DNAH7: variants seen among roughly 807,000 people sequenced by gnomAD.
The protein encoded by DNAH7 is axonemal beta dynein heavy chain 7.
A neutral mutation model predicts 444.6 loss-of-function variants in DNAH7; 397 were observed. That is an observed-to-expected ratio of 0.89 (90% confidence interval 0.82 to 0.97). The LOEUF is 0.97. Ranked by LOEUF, DNAH7 falls within the 50% of genes least tolerant of loss-of-function variation. DNAH7 has a pLI of 0.00. For missense variants in DNAH7, 4,902 were observed against 4,800.8 expected (o/e 1.02, Z -0.62); for synonymous variants, 1,636 against 1,624.4 (o/e 1.01, Z -0.17).
At chr2:195,768,373 T>C (rs2105933907) in intron 61 of DNAH7, among the ~76,000 whole-genome samples, 1 of 151,860 alleles carries the variant, frequency 6.6e-6, no homozygotes, top group East Asian at 1.9e-4. Context: ...CATTTATCAG[T>C]ATGTCTTGGC....
At chr2:195,855,648 G>A (rs1278572121) in intron 45 of DNAH7, among the ~76,000 whole-genome samples, 163 bp downstream of exon 45, 1 of 152,040 alleles carries the variant, frequency 6.6e-6, no homozygotes, top group East Asian at 1.9e-4. Context: ...TTAGCTCTTG[G>A]GCCACACGAA....
At chr2:195,961,203 CTAAT>C (rs1471166655) in intron 17 of DNAH7, among the ~76,000 whole-genome samples, 4 of 151,976 alleles carry the variant, frequency 2.6e-5, no homozygotes, top group African/African-American at 9.7e-5. Context: ...GTAAATAAAA[CTAAT>C]TAACATACAT....
chr2:196,011,574 T>TTGG, intron 10 of DNAH7, among the ~76,000 whole-genome samples: 1 of 151,940 alleles, frequency 6.6e-6, no homozygotes, highest in East Asian at 1.9e-4. Context: ...GAAAAGGCAT[T>TTGG]TGGGTTTGAG....
intron 54 of DNAH7, among the ~76,000 whole-genome samples, chr2:195,803,703 T>C (rs1696579825): frequency 6.6e-6 from 1 of 152,252 alleles, no homozygotes; most frequent in South Asian, 2.1e-4. Flanking sequence ...AAGTTCCTAC[T>C]GGATTTATCT....
At chr2:195,758,477 G>T (rs996502138) in intron 61 of DNAH7, among the ~76,000 whole-genome samples, 5 of 152,104 alleles carry the variant, frequency 3.3e-5, no homozygotes, top group African/African-American at 1.2e-4. Context: ...TTTGAGAAGG[G>T]AGGCAGAGCA....
chr2:195,954,192 G>A lies in DNAH7; in HGVS notation c.3078+3069C>T, dbSNP rs560413402. Among the ~76,000 whole-genome samples the A allele has an allele frequency of 1.1e-4, 17 of 151,946 alleles. No homozygotes were observed. In the South Asian group the frequency reaches 1.7e-3, roughly 15 times the overall value. The stretch of plus-strand genomic sequence containing the variant: ...TCCCTCCCCACTCTCCCCACCCCAC[G>A]ACAGGCCCTGGTATGTGATGTTCCC... On this transcript the variant is annotated intron_variant, in intron 19 of 64. Transcript: ENST00000312428.
At position 195,794,341 on chromosome 2, in the gene DNAH7, C is replaced by G; in HGVS notation, c.10713G>C (p.Lys3571Asn). 3.1e-6 allele frequency: 5 copies of G among 1,614,068 alleles called. No individual in the cohort carries two copies. The highest frequency in any genetic ancestry group is 4.2e-6 in the Non-Finnish European group (5 of 1,179,998). ...ACAAGACTTAACCATTACTAACAGGCTTTTTGCAGCTGCCAAAGAACTCCG... is the reference window on the plus strand; with the variant it reads ...ACAAGACTTAACCATTACTAACAGGGTTTTTGCAGCTGCCAAAGAACTCCG... ...SDPEFFGSCK[K>N]PEEFKKLLYG... is the part of the protein sequence containing the mutation. The change falls in exon 57 of 65, where the codon AAG (lysine) becomes AAC (asparagine). Residue 3571 changes from lysine to asparagine, a missense_variant. Physicochemically the swap from Lys to Asn is moderately conservative, Grantham distance 94. Transcript: ENST00000312428.
chr2:196,040,642 G>A (rs1046827286), intron 5 of DNAH7, among the ~76,000 whole-genome samples: 1 of 152,068 alleles, frequency 6.6e-6, no homozygotes, highest in Non-Finnish European at 1.5e-5. Flanking sequence ...AATTAAAATA[G>A]TTTTCTGTAA....
At chr2:195,897,569 T>G (rs1702392968) in intron 29 of DNAH7, 98 bp downstream of exon 29, 1 of 649,888 alleles carries the variant, frequency 1.5e-6, no homozygotes, top group African/African-American at 1.8e-5. Context: ...CTCTGTACTG[T>G]GTCATTGTTT....
Position 195,984,676 on chromosome 2 carries a change from C to A in DNAH7, c.1789G>T (p.Ala597Ser). 1 of 1,613,928 alleles carries A rather than the reference C, an allele frequency of 6.2e-7. No individual in the cohort carries two copies. Among genetic ancestry groups the A allele is most frequent in the Middle Eastern group, 1.7e-4 (1 of 6,034 alleles). ...CDEFERIAEK[A>S]LSTPPNTAEL... ...GCTGTATTTGGAGGAGTGCTAAGAG[C>A]TTTTTCAGCTATCCTCTCAAATTCA... is the stretch of plus-strand genomic sequence containing the variant. The change falls in exon 15 of 65, where the codon GCT becomes TCT. Residue 597 changes from alanine (A) to serine (S), a missense_variant. Transcript: ENST00000312428.
At position 195,881,811 on chromosome 2, in the gene DNAH7, T is replaced by C. The variant is rs1349983559; in HGVS notation, c.5945A>G (p.Lys1982Arg). 1 of 1,614,014 alleles carries C rather than the reference T, an allele frequency of 6.2e-7. No homozygotes were observed. Among genetic ancestry groups the C allele is most frequent in the Non-Finnish European group, 8.5e-7 (1 of 1,179,892 alleles). Residue 1982 changes from lysine (K) to arginine (R), a missense_variant, in exon 36 of 65, where the codon AAA becomes AGA. By Grantham distance (26) the Lys-to-Arg change is conservative. Transcript: ENST00000312428. ...AGTACTTACCGTAATGTAAACACTTTTCCCAGTTCCTGTTGGTCCTACAAA... is the reference window on the plus strand; with the variant it reads ...AGTACTTACCGTAATGTAAACACTTCTCCCAGTTCCTGTTGGTCCTACAAA... Reference protein sequence around the residue: ...SIFVGPTGTGKSVYITNFLLN... With the variant: ...SIFVGPTGTGRSVYITNFLLN...
At chr2:195,985,736 T>C (rs569004943) in intron 14 of DNAH7, among the ~76,000 whole-genome samples, 1 of 152,130 alleles carries the variant, frequency 6.6e-6, no homozygotes, top group African/African-American at 2.4e-5. Flanking sequence ...GCAGGGGAAG[T>C]AGCTACGAAA....
intron 18 of DNAH7, among the ~76,000 whole-genome samples, chr2:195,958,059 A>G (rs1690815149): frequency 6.6e-6 from 1 of 152,128 alleles, no homozygotes; most frequent in African/African-American, 2.4e-5. Flanking sequence ...TCTAAAATAT[A>G]GTTGACCCTT....
At chr2:195,987,435 G>A (rs1692995715) in intron 13 of DNAH7, among the ~76,000 whole-genome samples, 1 of 151,882 alleles carries the variant, frequency 6.6e-6, no homozygotes, top group African/African-American at 2.4e-5. Context: ...GACAATATTA[G>A]CAATAACAAT....
Position 195,957,381 on chromosome 2 carries a change from C to T in DNAH7, c.2958G>A (p.Thr986=), listed in dbSNP as rs556073327. ...TGAAAATGGGCTCCAGATACAGCCA[C>T]GTGGCTTGGACTTTGAGCCATTCAT... ...ILDEWLKVQA[T]WLYLEPIFSS... is the part of the protein sequence containing the mutation. The change falls in exon 19 of 65, where the codon ACG becomes ACA. Residue 986 remains threonine (T), a synonymous_variant. Transcript: ENST00000312428. 24 of 1,605,316 alleles carry T rather than the reference C, an allele frequency of 1.5e-5. No homozygotes were observed. Among genetic ancestry groups the T allele is most frequent in the South Asian group, 1.4e-4 (13 of 89,970 alleles).
chr2:195,773,077 G>A (rs960295076), intron 60 of DNAH7, among the ~76,000 whole-genome samples: 12 of 151,872 alleles, frequency 7.9e-5, no homozygotes, highest in African/African-American at 2.7e-4. Flanking sequence ...CACCGTGCCC[G>A]GCCTCTACTG....
chr2:195,824,227 T>G, intron 49 of DNAH7, 28 bp downstream of exon 49: 2 of 1,577,166 alleles, frequency 1.3e-6, no homozygotes, highest in Non-Finnish European at 1.7e-6. Flanking sequence ...CAAAATCTGA[T>G]AAAGAAACAT....
At chr2:195,795,058 T>G (rs1280524705) in intron 56 of DNAH7, among the ~76,000 whole-genome samples, 1 of 152,108 alleles carries the variant, frequency 6.6e-6, no homozygotes, top group Admixed American at 6.6e-5. Context: ...TGGAGACAGA[T>G]GAACCATAAG....
At chr2:195,874,981 T>G (rs1700964398) in intron 38 of DNAH7, among the ~76,000 whole-genome samples, 1 of 152,140 alleles carries the variant, frequency 6.6e-6, no homozygotes, top group Admixed American at 6.5e-5. Flanking sequence ...AGCAACATTT[T>G]AAAAAATGGA....
Sources: gnomAD v4.1 joint callset for allele counts (sites outside exome capture counted in the v4.1 genomes callset) on GRCh38, gnomAD v4.1.1 for gene constraint, MANE v1.5 for transcripts, NCBI Gene and HGNC (gene_info 2026-07-23, HGNC 2026-07-21) for gene names.